PXDNL: variants seen among roughly 807,000 people sequenced by gnomAD.
PXDNL encodes the protein probable oxidoreductase PXDNL.
A neutral mutation model predicts 150.8 loss-of-function variants in PXDNL; 145 were observed. The observed-to-expected ratio is 0.96, with a 90% CI of 0.84 to 1.10. The LOEUF (loss-of-function observed/expected upper bound fraction) is 1.10, where lower values mean the gene tolerates loss of function less well. Ranked by LOEUF, PXDNL falls within the 50% of genes least tolerant of loss-of-function variation. PXDNL has a pLI of 0.00. For synonymous variants in PXDNL, 757 were observed against 725.7 expected (o/e 1.04, Z -0.69); for missense variants, 2,087 against 1,873.9 (o/e 1.11, Z -2.10).
chr8:51,722,286 C>T (rs1816746739), intron 1 of PXDNL: 1 of 152,432 alleles, frequency 6.6e-6, no homozygotes, highest in South Asian at 2.1e-4. Flanking sequence ...CGCACTCCAA[C>T]CCCTATGGGA....
chr8:51,390,540 T>C (rs1807860155), intron 17 of PXDNL, among the ~76,000 whole-genome samples: 1 of 152,144 alleles, frequency 6.6e-6, no homozygotes, highest in African/African-American at 2.4e-5. Flanking sequence ...TTATAAAGCC[T>C]TTAAAATATT....
intron 1 of PXDNL, among the ~76,000 whole-genome samples, chr8:51,783,668 T>C (rs1466906273): frequency 6.6e-6 from 1 of 152,162 alleles, no homozygotes; most frequent in East Asian, 1.9e-4. Context: ...TGGAAAGCCA[T>C]TGCTGAAATA....
intron 4 of PXDNL, among the ~76,000 whole-genome samples, chr8:51,541,952 A>T (rs570014698): frequency 6.6e-6 from 1 of 152,204 alleles, no homozygotes; most frequent in Non-Finnish European, 1.5e-5. Flanking sequence ...GGTTAAAAGC[A>T]GAAACTTGTC....
At chr8:51,672,049 T>C (rs1051985423) in intron 1 of PXDNL, among the ~76,000 whole-genome samples, 2 of 152,188 alleles carry the variant, frequency 1.3e-5, no homozygotes, top group African/African-American at 4.8e-5. Flanking sequence ...TGTTGCCATC[T>C]CAGCTCACCA....
chr8:51,396,076 T>C (rs1408034552), intron 17 of PXDNL, among the ~76,000 whole-genome samples: 3 of 152,164 alleles, frequency 2.0e-5, no homozygotes, highest in Admixed American at 2.0e-4. Context: ...GAGAAATAAA[T>C]CGGTTCTATA....
intron 3 of PXDNL, among the ~76,000 whole-genome samples, chr8:51,581,802 C>T (rs1585596794): frequency 6.6e-6 from 1 of 152,190 alleles, no homozygotes; most frequent in East Asian, 1.9e-4. Context: ...GGCATTAGTC[C>T]TTGAAATGTT....
At chr8:51,632,230 G>A (rs921579341) in intron 2 of PXDNL, among the ~76,000 whole-genome samples, 29 of 152,294 alleles carry the variant, frequency 1.9e-4, no homozygotes, top group Non-Finnish European at 7.3e-5. Flanking sequence ...GATAGAACAT[G>A]TAGACAGAAG....
At chr8:51,696,225 A>T (rs1192107699) in intron 1 of PXDNL, among the ~76,000 whole-genome samples, 1 of 152,210 alleles carries the variant, frequency 6.6e-6, no homozygotes, top group Non-Finnish European at 1.5e-5. Context: ...ATCTGACTGC[A>T]TTAGAGACAG....
chr8:51,568,824 G>T (rs1812874255), intron 3 of PXDNL, among the ~76,000 whole-genome samples: 1 of 151,592 alleles, frequency 6.6e-6, no homozygotes, highest in African/African-American at 2.4e-5. Flanking sequence ...AGTTTACGAG[G>T]CCTCTATTAA....
At chr8:51,343,027 G>T (rs1037369027) in intron 20 of PXDNL, among the ~76,000 whole-genome samples, 1 of 152,064 alleles carries the variant, frequency 6.6e-6, no homozygotes, top group Admixed American at 6.5e-5. Flanking sequence ...AGCCCAGGTA[G>T]GAAGGTTATT....
chr8:51,662,448 G>A (rs1815295521), intron 1 of PXDNL, among the ~76,000 whole-genome samples: 1 of 152,180 alleles, frequency 6.6e-6, no homozygotes, highest in South Asian at 2.1e-4. Context: ...AACCCAGGAG[G>A]TGGAGTGAGC....
chr8:51,480,441 T>C (rs1810575454), intron 6 of PXDNL, among the ~76,000 whole-genome samples: 1 of 152,090 alleles, frequency 6.6e-6, no homozygotes, highest in Non-Finnish European at 1.5e-5. Flanking sequence ...CACTTTATAA[T>C]GACCAGATCT....
chr8:51,459,896 G>A (rs1347397687), intron 8 of PXDNL, among the ~76,000 whole-genome samples: 2 of 152,134 alleles, frequency 1.3e-5, no homozygotes, highest in Non-Finnish European at 2.9e-5. Flanking sequence ...CTAAGAACTA[G>A]GTGCTGTAGC....
chr8:51,565,317 A>ATAG (rs1563466564), intron 3 of PXDNL, among the ~76,000 whole-genome samples: 37 of 110,332 alleles, frequency 3.4e-4, no homozygotes, highest in Admixed American at 1.2e-3. Context: ...TAAATAAATA[A>ATAG]ATAAATAGAT....
chr8:51,585,067 A>G (rs1813294240), intron 3 of PXDNL, among the ~76,000 whole-genome samples: 1 of 152,282 alleles, frequency 6.6e-6, no homozygotes, highest in South Asian at 2.1e-4. Flanking sequence ...GAAGGCCAAT[A>G]TGATGCACAG....
At chr8:51,700,922 A>C (rs144501193) in intron 1 of PXDNL, among the ~76,000 whole-genome samples, 172 of 150,544 alleles carry the variant, frequency 1.1e-3, no homozygotes, top group African/African-American at 4.0e-3. Context: ...CAATATACTC[A>C]TATACATACA....
chr8:51,384,883 T>C (rs1369702251), intron 17 of PXDNL, among the ~76,000 whole-genome samples: 3 of 152,050 alleles, frequency 2.0e-5, no homozygotes, highest in Admixed American at 6.6e-5. Context: ...AAAATAATCA[T>C]CTATACTTTG....
intron 4 of PXDNL, among the ~76,000 whole-genome samples, chr8:51,512,779 G>C (rs181430275): frequency 6.6e-6 from 1 of 152,126 alleles, no homozygotes; most frequent in Admixed American, 6.5e-5. Flanking sequence ...TCACAATCAC[G>C]TGACTCTTGA....
chr8:51,423,647 G>A lies in PXDNL; in HGVS notation c.1723C>T (p.Gln575Ter), dbSNP rs760521469. The A allele has an allele frequency of 1.2e-6, 2 of 1,613,790 alleles. No individual in the cohort carries two copies. The highest frequency in any genetic ancestry group is 2.2e-5 in the South Asian group (2 of 91,070). ...LTIYDAGFPD[Q>*]GRYECVARNS... Reference sequence around the variant, plus strand: ...CGAGCCACACATTCATATCTTCCCTGGTCAGGGAACCCTGCGTCGTAGATA... The same window carrying A: ...CGAGCCACACATTCATATCTTCCCTAGTCAGGGAACCCTGCGTCGTAGATA... Residue 575 changes from glutamine to a stop codon, truncating the protein, a stop_gained, in exon 14 of 23, where the codon CAG becomes TAG. Coordinates refer to ENST00000356297, the MANE Select transcript of PXDNL (RefSeq NM_144651.5). LOFTEE classifies it high-confidence loss of function.
Sources: allele counts gnomAD v4.1 joint callset (sites outside exome capture counted in the v4.1 genomes callset), GRCh38; gene constraint gnomAD v4.1.1; transcripts MANE v1.5; gene names NCBI Gene and HGNC (gene_info 2026-07-23, HGNC 2026-07-21).